STK39: variants seen among roughly 807,000 people sequenced by gnomAD.
STK39 encodes serine/threonine kinase 39.
In STK39, 20 loss-of-function variants were observed where a neutral mutation model predicts 77.8. The ratio of observed to expected loss-of-function variants is 0.26; its 90% CI spans 0.18 to 0.37. The LOEUF (loss-of-function observed/expected upper bound fraction) is 0.37, where lower values mean the gene tolerates loss of function less well. Among genes scored for constraint, STK39 ranks in the 10% least tolerant of loss-of-function variants. STK39 has a pLI of 1.00. For synonymous variants in STK39, 246 were observed against 234.1 expected, an observed-to-expected ratio of 1.05 and a Z score of -0.47; for missense variants, 479 against 656.5, an observed-to-expected ratio of 0.73 and a Z score of 2.95.
At chr2:168,115,653 G>T (rs929305627) in intron 10 of STK39, among the ~76,000 whole-genome samples, 6 of 152,178 alleles carry the variant, frequency 3.9e-5, no homozygotes, top group African/African-American at 1.4e-4. Context: ...GACATAAAAA[G>T]ATGTCCAAAG....
chr2:168,026,476 G>A (rs1016303288), intron 14 of STK39, among the ~76,000 whole-genome samples: 1 of 152,178 alleles, frequency 6.6e-6, no homozygotes, highest in African/African-American at 2.4e-5. Flanking sequence ...AACACAGCTG[G>A]TTAATTCATG....
chr2:168,233,271 A>C (rs548607209), intron 1 of STK39, among the ~76,000 whole-genome samples: 22 of 152,350 alleles, frequency 1.4e-4, no homozygotes, highest in Admixed American at 6.5e-4. Flanking sequence ...ACTGGGTTTC[A>C]GACTTCAGAA....
chr2:168,162,979 A>G (rs563711363), intron 4 of STK39, among the ~76,000 whole-genome samples: 225 of 152,064 alleles, frequency 1.5e-3, no homozygotes, highest in Non-Finnish European at 2.7e-3. Flanking sequence ...GTGAGCTGAG[A>G]TCACACCATT....
At chr2:167,956,734 C>A (rs552170766) in intron 17 of STK39, among the ~76,000 whole-genome samples, 5,045 of 52,642 alleles carry the variant, frequency 0.096, 571 homozygotes, top group African/African-American at 0.32. Context: ...TCTCTCCCCC[C>A]CCGCCCCCTC....
Position 168,046,458 on chromosome 2 carries a change from G to A in STK39, c.1376+17042C>T, listed in dbSNP as rs143316139. ...GAAGGAGCAGCCGTTCAGCATCCAC[G>A]CACACCTACCCCCGTGTCTTGGTGT... On this transcript the variant is annotated intron_variant, in intron 14 of 17. Coordinates refer to ENST00000355999, the MANE Select transcript of STK39 (RefSeq NM_013233.3). Among the ~76,000 whole-genome samples the A allele has an allele frequency of 7.3e-4, 111 of 152,274 alleles. 2 individuals are homozygous for A. In the East Asian group the frequency reaches 0.01, roughly 14 times the overall value.
At chr2:168,189,370 T>A (rs1006155191) in intron 1 of STK39, among the ~76,000 whole-genome samples, 53 of 149,460 alleles carry the variant, frequency 3.5e-4, no homozygotes, top group Admixed American at 1.1e-3. Context: ...CAAATGTAAA[T>A]AAACTCACCT....
chr2:168,245,143 C>A lies in STK39; in HGVS notation c.208+2085G>T, dbSNP rs747729252. Among the ~76,000 whole-genome samples the A allele has an allele frequency of 6.6e-5, 10 of 152,342 alleles. No homozygotes were observed. The South Asian group carries it at 8.3e-4, about 13-fold the overall frequency. ...TTCAACTTTTATGGCCCACCTCTTC[C>A]TGTCAGAGTTCACAGCTGGTTAGTG... On this transcript the variant is annotated intron_variant, in intron 1 of 17. Coordinates refer to ENST00000355999, the MANE Select transcript of STK39 (RefSeq NM_013233.3).
At chr2:167,972,942 G>C (rs1191679267) in intron 16 of STK39, among the ~76,000 whole-genome samples, 1 of 152,094 alleles carries the variant, frequency 6.6e-6, no homozygotes, top group Non-Finnish European at 1.5e-5. Flanking sequence ...CCTTCCAGCT[G>C]TGCCTGCTTA....
At chr2:168,225,275 T>C (rs955605462) in intron 1 of STK39, among the ~76,000 whole-genome samples, 1 of 112,756 alleles carries the variant, frequency 8.9e-6, no homozygotes, top group Non-Finnish European at 2.2e-5. Context: ...TCAATATCCA[T>C]GGAGAAGATA....
intron 1 of STK39, among the ~76,000 whole-genome samples, chr2:168,219,880 T>C (rs10164740): frequency 1.1e-3 from 161 of 149,808 alleles, no homozygotes; most frequent in African/African-American, 1.3e-3. Flanking sequence ...TTTTTTTTTT[T>C]TTTTTGCAAA....
intron 16 of STK39, among the ~76,000 whole-genome samples, chr2:167,967,022 C>T (rs7604572): frequency 0.038 from 5,781 of 152,176 alleles, 270 homozygotes; most frequent in East Asian, 0.21. Flanking sequence ...AAAATAAAAA[C>T]GCTCCTTACC....
chr2:168,100,316 C>T (rs970857400), intron 10 of STK39, among the ~76,000 whole-genome samples: 7 of 152,144 alleles, frequency 4.6e-5, no homozygotes, highest in African/African-American at 1.4e-4. Context: ...TGGGGGAGAG[C>T]GTGCAGATTT....
chr2:168,183,450 G>A (rs1173038461), intron 1 of STK39, among the ~76,000 whole-genome samples: 1 of 152,098 alleles, frequency 6.6e-6, no homozygotes, highest in East Asian at 1.9e-4. Flanking sequence ...ACTTGCCCAA[G>A]GTCACATAGA....
chr2:168,013,788 G>T (rs1684331196), intron 15 of STK39, among the ~76,000 whole-genome samples: 3 of 144,366 alleles, frequency 2.1e-5, no homozygotes, highest in Non-Finnish European at 4.5e-5. Context: ...CTATGTAAGT[G>T]GGCTGGTGTG....
At chr2:168,104,382 A>G (rs1267825036) in intron 10 of STK39, among the ~76,000 whole-genome samples, 8 of 152,190 alleles carry the variant, frequency 5.3e-5, no homozygotes, top group Non-Finnish European at 8.8e-5. Context: ...AACGAGAAAA[A>G]GACATTGCCA....
intron 8 of STK39, among the ~76,000 whole-genome samples, chr2:168,133,614 C>A (rs1687757402): frequency 6.6e-6 from 1 of 152,104 alleles, no homozygotes. Flanking sequence ...CACCTGTAAT[C>A]CCAGCACTTT....
chr2:168,203,224 TAA>T (rs748972908), intron 1 of STK39, among the ~76,000 whole-genome samples: 2 of 152,114 alleles, frequency 1.3e-5, no homozygotes, highest in Non-Finnish European at 2.9e-5. Context: ...ACCACAGCTC[TAA>T]GAGTTAGAGG....
In STK39 at chr2:168,247,253, G is replaced by C; in HGVS notation, c.183C>G (p.Asp61Glu). ...CGATAACCTCCTGCAGCTCGTACGC[G>C]TCCCTGCAGATGGGCCAGCCGACAG... is the stretch of plus-strand genomic sequence containing the variant. ...AQAVGWPICR[D>E]AYELQEVIGS... is the part of the protein sequence containing the mutation. The change falls in exon 1 of 18, where the codon GAC becomes GAG. Residue 61 changes from aspartate to glutamate, a missense_variant. Around this residue, in one of 3 missense-constraint regions of STK39, gnomAD observed 96 missense variants for 79.1 expected, o/e 1.21. Coordinates refer to ENST00000355999, the MANE Select transcript of STK39 (RefSeq NM_013233.3). The C allele has an allele frequency of 8.8e-7, 1 of 1,135,738 alleles. No individual in the cohort carries two copies. The allele number at this position is 1,135,738 out of a possible 1,614,324, so 70.4% of individuals were successfully genotyped here. A position where few individuals can be genotyped will look rare whatever the true frequency, so the allele number is the denominator to read the frequency against.
intron 10 of STK39, among the ~76,000 whole-genome samples, chr2:168,115,663 G>A (rs1176876664): frequency 6.6e-6 from 1 of 152,132 alleles, no homozygotes; most frequent in African/African-American, 2.4e-5. Context: ...GATGTCCAAA[G>A]GTATATCTTA....
Sources: gnomAD v4.1 joint callset for allele counts (sites outside exome capture counted in the v4.1 genomes callset) on GRCh38, gnomAD v4.1.1 for gene constraint, gnomAD v4.1.1 regional missense constraint, MANE v1.5 for transcripts, NCBI Gene and HGNC (gene_info 2026-07-23, HGNC 2026-07-21) for gene names.